CNGB3: variants seen among roughly 807,000 people sequenced by gnomAD.
The protein encoded by CNGB3 is cyclic nucleotide-gated channel beta-3.
Under a neutral mutation model 92.8 loss-of-function variants are expected in CNGB3, and 86 were observed. The observed-to-expected ratio is 0.93, with a 90% CI of 0.78 to 1.11. CNGB3 has a LOEUF of 1.11. CNGB3 is among the 50% of genes least tolerant of loss of function. The pLI, the probability that CNGB3 is intolerant of heterozygous loss-of-function variation, is 0.00. For missense variants in CNGB3, 1,026 were observed against 956.8 expected (o/e 1.07, Z -0.95); for synonymous variants, 333 against 332.7 (o/e 1.00, Z -0.01).
In CNGB3 at chr8:86,713,690, G is replaced by C. The variant is rs116997190; in HGVS notation, c.338+12841C>G. Among the ~76,000 whole-genome samples, 641 of 152,116 alleles carry C rather than the reference G, an allele frequency of 4.2e-3. 3 individuals are homozygous for C. The highest frequency in any genetic ancestry group is 0.018 in the South Asian group (88 of 4,812). ...ATCTTACAATATTAAAACTATATAAGTTTAGTATTTGGAGGTTAAAAATTC... is the reference window on the plus strand; with the variant it reads ...ATCTTACAATATTAAAACTATATAACTTTAGTATTTGGAGGTTAAAAATTC... On this transcript the variant is annotated intron_variant, in intron 3 of 17. Transcript: ENST00000320005.
chr8:86,638,562 G>C (rs1285618175), intron 10 of CNGB3, among the ~76,000 whole-genome samples: 1 of 152,058 alleles, frequency 6.6e-6, no homozygotes, highest in Non-Finnish European at 1.5e-5. Flanking sequence ...ATTACTGGAA[G>C]CAATGGCTAT....
At chr8:86,739,540 G>T in intron 2 of CNGB3, 115 bp downstream of exon 2, 2 of 1,480,122 alleles carry the variant, frequency 1.4e-6, no homozygotes, top group South Asian at 2.5e-5. Context: ...ACCTCAGTAT[G>T]ACCCTAGATA....
intron 16 of CNGB3, 102 bp from the exon 17 acceptor site, chr8:86,578,965 G>A: frequency 6.5e-7 from 1 of 1,530,140 alleles, no homozygotes; most frequent in Non-Finnish European, 9.0e-7. Context: ...AGTTTCAATG[G>A]GTACCTACAT....
intron 3 of CNGB3, among the ~76,000 whole-genome samples, chr8:86,704,942 G>A (rs1042997000): frequency 3.3e-5 from 5 of 152,048 alleles, no homozygotes; most frequent in Non-Finnish European, 4.4e-5. Context: ...GGTCTCTTTC[G>A]TTCAGAGGTC....
At chr8:86,729,495 G>C (rs1442589084) in intron 2 of CNGB3, among the ~76,000 whole-genome samples, 2 of 152,126 alleles carry the variant, frequency 1.3e-5, no homozygotes. Flanking sequence ...ACAAGCCTGG[G>C]ATATTTATAA....
At chr8:86,687,207 T>TA (rs1490841223) in intron 3 of CNGB3, among the ~76,000 whole-genome samples, 1 of 152,000 alleles carries the variant, frequency 6.6e-6, no homozygotes, top group African/African-American at 2.4e-5. Flanking sequence ...CATTAAACTG[T>TA]AAAAAACAGT....
intron 15 of CNGB3, chr8:86,593,611 G>A (rs1279973809): frequency 4.5e-6 from 2 of 440,590 alleles, no homozygotes; most frequent in Non-Finnish European, 8.4e-6. Context: ...GCCATGAGAG[G>A]TGGTGGCTAT....
chr8:86,675,719 A>C (rs1188112371), intron 3 of CNGB3, among the ~76,000 whole-genome samples: 1 of 152,222 alleles, frequency 6.6e-6, no homozygotes. Context: ...TTATTTATAT[A>C]TCTCTATGAA....
chr8:86,684,188 C>T (rs969009240), intron 3 of CNGB3, among the ~76,000 whole-genome samples: 2 of 152,070 alleles, frequency 1.3e-5, no homozygotes, highest in Non-Finnish European at 2.9e-5. Flanking sequence ...GGGTAAAACA[C>T]ATGAACAGAC....
In CNGB3 at chr8:86,726,642, T is replaced by C; in HGVS notation, c.227A>G (p.Lys76Arg). 1.9e-6 allele frequency: 3 copies of C among 1,613,810 alleles called. No homozygotes were observed. The highest frequency in any genetic ancestry group is 2.5e-6 in the Non-Finnish European group (3 of 1,179,742). The change falls in exon 3 of 18, where the codon AAA becomes AGA. Residue 76 changes from lysine (K) to arginine (R), a missense_variant. Lys to Arg is a conservative substitution (Grantham distance 26, BLOSUM62 2). Coordinates refer to ENST00000320005, the MANE Select transcript of CNGB3 (RefSeq NM_019098.5). ...HTNIQDKLSKKNSSGDLTTNP... is the reference protein window; with the variant it reads ...HTNIQDKLSKRNSSGDLTTNP... ...TGTGGTCAGATCTCCAGAGGAATTT[T>C]TCTTGGAGAGTTTGTCTATGAAAAA...
At chr8:86,725,536 A>G (rs994134869) in intron 3 of CNGB3, among the ~76,000 whole-genome samples, 3 of 152,126 alleles carry the variant, frequency 2.0e-5, no homozygotes, top group African/African-American at 7.2e-5. Flanking sequence ...GTTTATGTGC[A>G]CACGTGTGTA....
At chr8:86,685,927 T>A (rs1273516070) in intron 3 of CNGB3, among the ~76,000 whole-genome samples, 1 of 151,804 alleles carries the variant, frequency 6.6e-6, no homozygotes, top group African/African-American at 2.4e-5. Context: ...AGAAGGTGAA[T>A]TTTTTAATAT....
intron 15 of CNGB3, chr8:86,594,131 G>A: frequency 3.4e-6 from 1 of 296,044 alleles, no homozygotes; most frequent in Non-Finnish European, 6.7e-6. Flanking sequence ...CAAAACCACG[G>A]AGGTCTGGGG....
At chr8:86,718,927 C>A (rs1824913485) in intron 3 of CNGB3, among the ~76,000 whole-genome samples, 1 of 151,908 alleles carries the variant, frequency 6.6e-6, no homozygotes. Context: ...ATTACATGAT[C>A]ATCTCAGTAG....
intron 15 of CNGB3, among the ~76,000 whole-genome samples, chr8:86,581,891 T>C (rs1049251989): frequency 6.6e-6 from 1 of 152,076 alleles, no homozygotes; most frequent in African/African-American, 2.4e-5. Context: ...CCAACAGCTA[T>C]ACCAAATGTT....
At chr8:86,622,116 T>C (rs1346265169) in intron 13 of CNGB3, among the ~76,000 whole-genome samples, 1 of 152,186 alleles carries the variant, frequency 6.6e-6, no homozygotes, top group Non-Finnish European at 1.5e-5. Context: ...CATTATTTTG[T>C]TCCTTTTTAT....
chr8:86,639,964 G>A (rs558291660), intron 10 of CNGB3, among the ~76,000 whole-genome samples: 2 of 152,062 alleles, frequency 1.3e-5, no homozygotes, highest in Admixed American at 1.3e-4. Context: ...AACTAGGTTT[G>A]GGCCTAGAAA....
At chr8:86,667,335 C>T (rs1823763268) in intron 5 of CNGB3, among the ~76,000 whole-genome samples, 1 of 152,224 alleles carries the variant, frequency 6.6e-6, no homozygotes, top group Non-Finnish European at 1.5e-5. Flanking sequence ...CTTATCACCT[C>T]TTCCGAAAGT....
intron 13 of CNGB3, among the ~76,000 whole-genome samples, chr8:86,623,247 G>A (rs1487739776): frequency 6.6e-6 from 1 of 152,046 alleles, no homozygotes; most frequent in African/African-American, 2.4e-5. Flanking sequence ...AAACCAAACT[G>A]CCTACATGAA....
Sources: allele counts gnomAD v4.1 joint callset (sites outside exome capture counted in the v4.1 genomes callset), GRCh38; gene constraint gnomAD v4.1.1; transcripts MANE v1.5; gene names NCBI Gene and HGNC (gene_info 2026-07-23, HGNC 2026-07-21).